The following ERO1A variants were observed in gnomAD, a reference collection of about 807,000 sequenced individuals.
The protein encoded by ERO1A is ERO1-like protein alpha.
A neutral mutation model predicts 76.9 loss-of-function variants in ERO1A; 49 were observed. The observed-to-expected ratio is 0.64, with a 90% CI of 0.51 to 0.81. The LOEUF (loss-of-function observed/expected upper bound fraction) is 0.81, where lower values mean the gene tolerates loss of function less well. Among genes scored for constraint, ERO1A ranks in the 30% least tolerant of loss-of-function variants. The pLI is 0.00. For synonymous variants in ERO1A, 174 were observed against 181.2 expected (o/e 0.96, Z 0.32); for missense variants, 448 against 542.1 (o/e 0.83, Z 1.72).
intron 13 of ERO1A, among the ~76,000 whole-genome samples, chr14:52,647,967 C>T (rs548079131): frequency 6.6e-6 from 1 of 152,290 alleles, no homozygotes; most frequent in African/African-American, 2.4e-5. Flanking sequence ...TTGGAACCCA[C>T]TATTCAAAGG....
At chr14:52,652,741 C>A (rs1329644042) in intron 12 of ERO1A, among the ~76,000 whole-genome samples, 2 of 152,126 alleles carry the variant, frequency 1.3e-5, no homozygotes, top group Non-Finnish European at 2.9e-5. Context: ...CACCTGTAAT[C>A]CCAGCACTTT....
intron 1 of ERO1A, among the ~76,000 whole-genome samples, chr14:52,687,959 G>A (rs905981246): frequency 6.6e-6 from 1 of 152,182 alleles, no homozygotes; most frequent in Non-Finnish European, 1.5e-5. Context: ...GTGAAGGCAG[G>A]AGGGTTGCTT....
Position 52,663,633 on chromosome 14 carries a change from C to T in ERO1A, c.676+168G>A. The T allele has an allele frequency of 9.5e-6, 4 of 422,098 alleles. No homozygotes were observed. In the South Asian group the frequency reaches 2.3e-4, roughly 24 times the overall value. The allele number at this position is 422,098 out of a possible 1,614,324, so 26.1% of individuals were successfully genotyped here. A position where few individuals can be genotyped will look rare whatever the true frequency, so the allele number is the denominator to read the frequency against. Reference sequence around the variant, plus strand: ...AAAAAAAATACTTTTTACTGAAGTACAAATAATTTAAGCACCAATCTCTGC... The same window carrying T: ...AAAAAAAATACTTTTTACTGAAGTATAAATAATTTAAGCACCAATCTCTGC... On this transcript the variant is annotated intron_variant, in intron 8 of 15. Transcript: ENST00000395686.
chr14:52,642,967 G>T lies in ERO1A; in HGVS notation c.*603C>A, dbSNP rs891301706. The T allele has an allele frequency of 6.6e-6, 1 of 152,478 alleles. No homozygotes were observed. The highest frequency in any genetic ancestry group is 2.4e-5 in the African/African-American group (1 of 41,404). 9.4% of individuals were successfully genotyped at this position (152,478 alleles called of 1,614,324 possible). ...TTTCATACCAATGTATTTTAGGATT[G>T]CCAGATAAAATACAAGACTCCCAGT... On this transcript the variant is annotated 3_prime_UTR_variant, in exon 16 of 16. Coordinates refer to ENST00000395686, the MANE Select transcript of ERO1A (RefSeq NM_014584.3).
At chr14:52,668,632 G>A (rs1436113616) in intron 6 of ERO1A, among the ~76,000 whole-genome samples, 2 of 151,092 alleles carry the variant, frequency 1.3e-5, no homozygotes, top group African/African-American at 4.9e-5. Flanking sequence ...TAACCACCAA[G>A]AAATGATTAA....
intron 15 of ERO1A, among the ~76,000 whole-genome samples, chr14:52,645,246 G>T (rs2039607883): frequency 6.7e-6 from 1 of 149,538 alleles, no homozygotes; most frequent in Admixed American, 6.7e-5. Flanking sequence ...TCGATAAGAT[G>T]AATATTAAAA....
At chr14:52,668,318 G>C (rs1204916634) in intron 6 of ERO1A, among the ~76,000 whole-genome samples, 3 of 152,076 alleles carry the variant, frequency 2.0e-5, no homozygotes, top group African/African-American at 7.2e-5. Flanking sequence ...GGCTGAGGCG[G>C]GTGGATCACA....
chr14:52,652,927 C>G (rs549519735), intron 12 of ERO1A, 142 bp downstream of exon 12: 1 of 576,082 alleles, frequency 1.7e-6, no homozygotes, highest in African/African-American at 1.9e-5. Context: ...CCCAGGAAAT[C>G]AAGGCTGCAG....
At chr14:52,658,031 GA>G in intron 10 of ERO1A, 22 bp from the exon 11 acceptor site, 1 of 1,560,178 alleles carries the variant, frequency 6.4e-7, no homozygotes, top group Non-Finnish European at 8.8e-7. Context: ...CAGTGACTTA[GA>G]AATAAAATTT....
In ERO1A at chr14:52,657,991, C is replaced by CT; in HGVS notation, c.733dup (p.Arg245LysfsTer15). 1 of 1,610,190 alleles carries CT rather than the reference C, an allele frequency of 6.2e-7. No homozygotes were observed. On this transcript the variant is annotated frameshift_variant, in exon 11 of 16. Coordinates refer to ENST00000395686, the MANE Select transcript of ERO1A (RefSeq NM_014584.3). LOFTEE classifies it high-confidence loss of function. ...GCCAGATATAAGTCTGTAGAATGCT[C>CT]TTTTTTCTACACAGAGACCTAAGAA...
chr14:52,644,737 A>G (rs984449086), intron 15 of ERO1A, among the ~76,000 whole-genome samples: 1 of 152,176 alleles, frequency 6.6e-6, no homozygotes, highest in Non-Finnish European at 1.5e-5. Context: ...TAAGAGTATT[A>G]AACGTATGAC....
intron 15 of ERO1A, 122 bp from the exon 16 acceptor site, chr14:52,643,752 A>C: frequency 3.5e-6 from 2 of 568,082 alleles, no homozygotes; most frequent in Non-Finnish European, 3.0e-6. Context: ...AAGGTGCATA[A>C]ACCATTTAAT....
At chr14:52,650,291 TC>T (rs2139638373) in intron 13 of ERO1A, among the ~76,000 whole-genome samples, 1 of 151,796 alleles carries the variant, frequency 6.6e-6, no homozygotes, top group South Asian at 2.1e-4. Context: ...CCTATACATA[TC>T]TACCATATCT....
intron 1 of ERO1A, among the ~76,000 whole-genome samples, chr14:52,690,426 A>C (rs986804075): frequency 1.3e-5 from 2 of 152,242 alleles, no homozygotes; most frequent in Non-Finnish European, 2.9e-5. Flanking sequence ...TCAACAACAA[A>C]AAAACAAATA....
At chr14:52,665,171 G>A (rs112278789) in intron 7 of ERO1A, among the ~76,000 whole-genome samples, 11 of 151,472 alleles carry the variant, frequency 7.3e-5, no homozygotes, top group South Asian at 2.1e-4. Flanking sequence ...GTGTGGTGGC[G>A]TGTGCCTGTA....
At chr14:52,693,685 C>T (rs2041436171) in intron 1 of ERO1A, among the ~76,000 whole-genome samples, 1 of 151,548 alleles carries the variant, frequency 6.6e-6, no homozygotes, top group South Asian at 2.1e-4. Flanking sequence ...TTTGTAGAGA[C>T]GGGGGTTTCA....
chr14:52,676,744 A>G (rs1032848631), intron 4 of ERO1A, among the ~76,000 whole-genome samples: 72 of 152,206 alleles, frequency 4.7e-4, no homozygotes, highest in Non-Finnish European at 9.6e-4. Flanking sequence ...ATGGAAATAC[A>G]AAGTATTTGG....
chr14:52,664,642 C>T (rs983902744), intron 7 of ERO1A, among the ~76,000 whole-genome samples: 2 of 152,092 alleles, frequency 1.3e-5, no homozygotes, highest in Non-Finnish European at 2.9e-5. Flanking sequence ...AAAAGTAATA[C>T]AAATCTAACA....
At chr14:52,680,078 C>CAAAAAAAAAAAAAAAAAA in intron 3 of ERO1A, among the ~76,000 whole-genome samples, 1 of 13,686 alleles carries the variant, frequency 7.3e-5, no homozygotes, top group Non-Finnish European at 1.4e-4. Flanking sequence ...GCAAAAAACA[C>CAAAAAAAAAAAAAAAAAA]AAACAAAAAA....
Sources: gnomAD v4.1 joint callset for allele counts (sites outside exome capture counted in the v4.1 genomes callset) on GRCh38, gnomAD v4.1.1 for gene constraint, MANE v1.5 for transcripts, NCBI Gene and HGNC (gene_info 2026-07-23, HGNC 2026-07-21) for gene names.